EBF1: variants seen among roughly 807,000 people sequenced by gnomAD.
EBF1 encodes the protein EBF transcription factor 1.
In EBF1, 10 loss-of-function variants were observed where a neutral mutation model predicts 68.4. The observed-to-expected ratio is 0.15, with a 90% CI of 0.09 to 0.25. The LOEUF is 0.25. Ranked by LOEUF, EBF1 falls within the 10% of genes least tolerant of loss-of-function variation. EBF1 has a pLI of 1.00. For missense variants in EBF1, 509 were observed against 794.4 expected, an observed-to-expected ratio of 0.64 and a Z score of 4.32; for synonymous variants, 298 against 299.8, an observed-to-expected ratio of 0.99 and a Z score of 0.06.
intron 6 of EBF1, among the ~76,000 whole-genome samples, chr5:158,939,979 C>G (rs937715185): frequency 5.3e-5 from 8 of 152,188 alleles, no homozygotes; most frequent in Non-Finnish European, 1.2e-4. Context: ...TACCCTCTTA[C>G]CACTCTCCTC....
intron 11 of EBF1, among the ~76,000 whole-genome samples, chr5:158,716,831 A>C (rs1339038228): frequency 6.6e-6 from 1 of 152,196 alleles, no homozygotes; most frequent in Non-Finnish European, 1.5e-5. Context: ...CTGAACACAC[A>C]GACAGAACAT....
chr5:158,851,318 T>A (rs1196829025), intron 6 of EBF1, among the ~76,000 whole-genome samples: 1 of 128,022 alleles, frequency 7.8e-6, no homozygotes. Flanking sequence ...GAAGTTGCAA[T>A]GAGCTGAGAC....
chr5:158,954,725 A>C (rs951894514), intron 6 of EBF1, among the ~76,000 whole-genome samples: 3 of 152,212 alleles, frequency 2.0e-5, no homozygotes, highest in African/African-American at 2.4e-5. Context: ...TCTGCCCAAG[A>C]TGCTAAGATT....
At chr5:159,091,622 T>C (rs1409248618) in intron 4 of EBF1, among the ~76,000 whole-genome samples, 2 of 152,176 alleles carry the variant, frequency 1.3e-5, no homozygotes, top group Admixed American at 1.3e-4. Flanking sequence ...TGAAGAACCA[T>C]GAACTGAAAG....
At chr5:158,769,353 G>A (rs567558692) in intron 10 of EBF1, among the ~76,000 whole-genome samples, 110 of 152,200 alleles carry the variant, frequency 7.2e-4, no homozygotes, top group Non-Finnish European at 1.3e-3. Context: ...AGCCAAGGTT[G>A]TATATAAGGC....
At chr5:158,952,992 CT>C (rs200231119) in intron 6 of EBF1, among the ~76,000 whole-genome samples, 3,463 of 144,338 alleles carry the variant, frequency 0.024, 76 homozygotes, top group African/African-American at 0.061. Context: ...TTTAAAAATC[CT>C]TTTTTTTTTT....
intron 6 of EBF1, among the ~76,000 whole-genome samples, chr5:158,860,390 T>G (rs140110847): frequency 6.6e-6 from 1 of 152,318 alleles, no homozygotes; most frequent in East Asian, 1.9e-4. Flanking sequence ...AGCCACCTGA[T>G]CATGCTTTGG....
intron 4 of EBF1, among the ~76,000 whole-genome samples, chr5:159,093,800 G>C (rs1384758683): frequency 6.6e-6 from 1 of 151,982 alleles, no homozygotes; most frequent in Non-Finnish European, 1.5e-5. Flanking sequence ...CTTCAAACAT[G>C]TCTTAATTCT....
chr5:159,024,552 C>T (rs1767340516), intron 6 of EBF1, among the ~76,000 whole-genome samples: 1 of 152,206 alleles, frequency 6.6e-6, no homozygotes, highest in Non-Finnish European at 1.5e-5. Context: ...ATGTTAGGCT[C>T]TTTCCAAACA....
Position 158,835,861 on chromosome 5 carries a change from G to A in EBF1, c.636+4168C>T, listed in dbSNP as rs149799611. 9.4e-4 allele frequency among the ~76,000 whole-genome samples: 143 copies of A among 152,272 alleles called. 1 individual carries two copies. In the Middle Eastern group the frequency reaches 0.01, roughly 11 times the overall value. On this transcript the variant is annotated intron_variant, in intron 7 of 15. Transcript: ENST00000313708. ...ATATTCTTAATAAGGGTATTTTGAA[G>A]ATAAACATGATAACTCATGTAAAAT...
intron 6 of EBF1, among the ~76,000 whole-genome samples, chr5:159,032,373 C>T (rs1428960585): frequency 2.6e-5 from 4 of 152,302 alleles, no homozygotes; most frequent in South Asian, 4.1e-4. Context: ...AGGCCCTTTC[C>T]ATTATATTTA....
At chr5:158,956,217 G>A (rs776938519) in intron 6 of EBF1, among the ~76,000 whole-genome samples, 17 of 151,988 alleles carry the variant, frequency 1.1e-4, no homozygotes, top group Non-Finnish European at 2.4e-4. Context: ...GGAGCGACAC[G>A]GTGTGTCACA....
chr5:158,829,394 A>G (rs904858649), intron 7 of EBF1, among the ~76,000 whole-genome samples: 4 of 147,944 alleles, frequency 2.7e-5, no homozygotes, highest in African/African-American at 1.0e-4. Context: ...CATGTTGCCC[A>G]GACTGGTCTC....
chr5:158,842,399 G>T (rs989008493), intron 6 of EBF1, among the ~76,000 whole-genome samples: 1 of 152,140 alleles, frequency 6.6e-6, no homozygotes, highest in Non-Finnish European at 1.5e-5. Context: ...CAGTTAGAAG[G>T]GCATATTTCA....
intron 7 of EBF1, among the ~76,000 whole-genome samples, chr5:158,826,433 A>G (rs1217448657): frequency 6.6e-6 from 1 of 152,194 alleles, no homozygotes; most frequent in African/African-American, 2.4e-5. Flanking sequence ...TGCATTGGAC[A>G]CGGTGAACAG....
intron 15 of EBF1, among the ~76,000 whole-genome samples, 164 bp downstream of exon 15, chr5:158,707,815 G>A (rs1758199062): frequency 6.6e-6 from 1 of 152,258 alleles, no homozygotes; most frequent in Non-Finnish European, 1.5e-5. Flanking sequence ...CAAGGGCCAG[G>A]GTTGAGGAGA....
chr5:158,963,727 T>C (rs1753538707), intron 6 of EBF1, among the ~76,000 whole-genome samples: 2 of 152,342 alleles, frequency 1.3e-5, no homozygotes, highest in South Asian at 4.1e-4. Flanking sequence ...CATCCAGCTA[T>C]TAATGAATGG....
At chr5:158,850,777 C>A (rs537549542) in intron 6 of EBF1, among the ~76,000 whole-genome samples, 6 of 152,236 alleles carry the variant, frequency 3.9e-5, no homozygotes, top group African/African-American at 1.2e-4. Flanking sequence ...GAGGCCGAGG[C>A]GTGTGGATTG....
intron 6 of EBF1, among the ~76,000 whole-genome samples, chr5:159,046,346 C>T (rs1772395675): frequency 6.6e-6 from 1 of 152,182 alleles, no homozygotes; most frequent in African/African-American, 2.4e-5. Context: ...TTGAATTGAA[C>T]CCACTAGGTC....
Sources: allele counts gnomAD v4.1 joint callset (sites outside exome capture counted in the v4.1 genomes callset), GRCh38; gene constraint gnomAD v4.1.1; transcripts MANE v1.5; gene names NCBI Gene and HGNC (gene_info 2026-07-23, HGNC 2026-07-21).